Variants in LINGO1 observed in about 807,000 individuals in gnomAD.
LINGO1 encodes the protein leucine rich repeat and Ig domain containing 1.
In LINGO1, 11 loss-of-function variants were observed where a neutral mutation model predicts 37.3. The observed-to-expected ratio is 0.29, with a 90% CI of 0.19 to 0.49. LINGO1 has a LOEUF of 0.49. Ranked by LOEUF, LINGO1 falls within the 20% of genes least tolerant of loss-of-function variation. The probability of loss-of-function intolerance (pLI) is 0.99; values close to 1 mark genes in which losing one functional copy is unlikely to be tolerated. For synonymous variants in LINGO1, 387 were observed against 403.0 expected (o/e 0.96, Z 0.48); for missense variants, 585 against 878.2 (o/e 0.67, Z 4.22).
intron 3 of LINGO1, among the ~76,000 whole-genome samples, chr15:77,669,943 C>T (rs1045093544): frequency 2.0e-5 from 3 of 152,138 alleles, no homozygotes; most frequent in South Asian, 2.1e-4. Flanking sequence ...GTCAAAACCA[C>T]CCAAATGTTC....
chr15:77,672,092 C>T (rs1312842323), intron 3 of LINGO1, among the ~76,000 whole-genome samples: 3 of 151,572 alleles, frequency 2.0e-5, no homozygotes, highest in Non-Finnish European at 4.4e-5. Context: ...TGCCAGTTCC[C>T]TCTCTGAACT....
At chr15:77,688,602 T>G (rs2075552152) in intron 2 of LINGO1, among the ~76,000 whole-genome samples, 1 of 152,072 alleles carries the variant, frequency 6.6e-6, no homozygotes, top group South Asian at 2.1e-4. Context: ...CCACCCGAGA[T>G]GCCCCTAGGA....
intron 3 of LINGO1, chr15:77,641,650 C>T (rs913467497): frequency 4.2e-5 from 15 of 357,832 alleles, no homozygotes; most frequent in African/African-American, 8.6e-5. Context: ...GAGGAGTGGG[C>T]GTGGTAGGAG....
intron 1 of LINGO1, among the ~76,000 whole-genome samples, chr15:77,694,142 T>G (rs954007224): frequency 6.6e-6 from 1 of 152,096 alleles, no homozygotes. Flanking sequence ...TGTCAATACA[T>G]GAATCAGGGC....
chr15:77,664,655 T>C (rs2075091187), intron 3 of LINGO1, among the ~76,000 whole-genome samples: 1 of 152,154 alleles, frequency 6.6e-6, no homozygotes, highest in Non-Finnish European at 1.5e-5. Flanking sequence ...GAGCTGTTTC[T>C]TTGATGCCTA....
chr15:77,807,558 C>T (rs537437572), intron 1 of LINGO1, among the ~76,000 whole-genome samples: 440 of 152,178 alleles, frequency 2.9e-3, no homozygotes, highest in Non-Finnish European at 5.0e-3. Flanking sequence ...GCAAAAATGC[C>T]CTTTTCATGG....
At chr15:77,729,679 T>G (rs191334698) in intron 2 of LINGO1, among the ~76,000 whole-genome samples, 1 of 152,344 alleles carries the variant, frequency 6.6e-6, no homozygotes, top group African/African-American at 2.4e-5. Flanking sequence ...GGAATAGATA[T>G]GGCTCCCGCT....
intron 2 of LINGO1, among the ~76,000 whole-genome samples, chr15:77,715,890 T>C (rs982308697): frequency 3.3e-5 from 5 of 152,188 alleles, no homozygotes; most frequent in African/African-American, 4.8e-5. Flanking sequence ...TCCTCTCCAC[T>C]GGCACGCTGT....
intron 1 of LINGO1, among the ~76,000 whole-genome samples, chr15:77,765,103 G>T (rs1187809871): frequency 1.3e-5 from 2 of 152,146 alleles, no homozygotes; most frequent in Non-Finnish European, 2.9e-5. Context: ...ATGGATGAAC[G>T]GTGATTTGTC....
chr15:77,677,620 G>A (rs945257673), intron 2 of LINGO1, among the ~76,000 whole-genome samples: 3 of 151,928 alleles, frequency 2.0e-5, no homozygotes, highest in Non-Finnish European at 4.4e-5. Flanking sequence ...CCCCAGCACC[G>A]CTCAAGATCC....
At chr15:77,688,561 A>G (rs965788503) in intron 2 of LINGO1, among the ~76,000 whole-genome samples, 2 of 152,186 alleles carry the variant, frequency 1.3e-5, no homozygotes, top group Non-Finnish European at 2.9e-5. Flanking sequence ...GCTTGGGGAC[A>G]GGCTCAACCC....
chr15:77,712,821 C>T (rs2075935392), intron 2 of LINGO1, among the ~76,000 whole-genome samples: 1 of 152,300 alleles, frequency 6.6e-6, no homozygotes, highest in Non-Finnish European at 1.5e-5. Flanking sequence ...TGAGGGGTCT[C>T]GCTGCTGTTA....
rs372470752 is a variant in LINGO1 at position 77,801,035 on chromosome 15, T to C, written c.-457-4982A>G. 7.9e-5 allele frequency among the ~76,000 whole-genome samples: 12 copies of C among 152,300 alleles called. No individual in the cohort carries two copies. In the East Asian group the frequency reaches 2.1e-3, roughly 27 times the overall value. ...ATAACAAGCAGTGCTGGCAAGGATG[T>C]GGGGAAATGAGCACTCCCAGACCAT... is the stretch of plus-strand genomic sequence containing the variant. On this transcript the variant is annotated intron_variant, in intron 1 of 5. Transcript: ENST00000562933.
Position 77,704,835 on chromosome 15 carries a change from T to C in LINGO1, c.-194-13934A>G, listed in dbSNP as rs114986630. On this transcript the variant is annotated intron_variant, in intron 2 of 3. Transcript: ENST00000561686. Reference sequence around the variant, plus strand: ...CCCTGCATACATACTGAGCCCTGACTGTGCACACACTGAGCCCTGGTCCCA... The same window carrying C: ...CCCTGCATACATACTGAGCCCTGACCGTGCACACACTGAGCCCTGGTCCCA... Among the ~76,000 whole-genome samples the C allele has an allele frequency of 6.2e-3, 948 of 152,228 alleles. 17 individuals carry two copies. The highest frequency in any genetic ancestry group is 0.021 in the African/African-American group (887 of 41,522).
At chr15:77,727,390 A>G (rs1355356366) in intron 2 of LINGO1, among the ~76,000 whole-genome samples, 3 of 152,252 alleles carry the variant, frequency 2.0e-5, no homozygotes, top group Non-Finnish European at 2.9e-5. Flanking sequence ...TATACAGATG[A>G]TGGACTATTT....
Position 77,615,400 on chromosome 15 carries a change from G to A in LINGO1, c.507C>T (p.Leu169=). The A allele has an allele frequency of 6.2e-7, 1 of 1,614,044 alleles. No individual in the cohort carries two copies. The highest frequency in any genetic ancestry group is 8.5e-7 in the Non-Finnish European group (1 of 1,179,904). Residue 169 remains leucine, a synonymous_variant, in exon 2 of 2, where the codon CTC becomes CTT. Coordinates refer to ENST00000355300, the MANE Select transcript of LINGO1 (RefSeq NM_032808.7). Reference sequence around the variant, plus strand: ...CATTGTCGCCAACCTCCAGTGACTTGAGGTTGTACAGGTCCTGAAACATGT... The same window carrying A: ...CATTGTCGCCAACCTCCAGTGACTTAAGGTTGTACAGGTCCTGAAACATGT... ...LDYMFQDLYN[L]KSLEVGDNDL...
chr15:77,769,105 C>T (rs1355241270), intron 1 of LINGO1, among the ~76,000 whole-genome samples: 1 of 152,160 alleles, frequency 6.6e-6, no homozygotes, highest in Non-Finnish European at 1.5e-5. Context: ...GCTCCAGACC[C>T]TGGCCGCAGC....
At chr15:77,802,092 G>A (rs542443490) in intron 1 of LINGO1, among the ~76,000 whole-genome samples, 25 of 152,162 alleles carry the variant, frequency 1.6e-4, no homozygotes, top group Non-Finnish European at 3.2e-4. Flanking sequence ...AGAAGCTGGG[G>A]TGTGTTTCTC....
At chr15:77,669,265 C>T (rs59491554) in intron 3 of LINGO1, among the ~76,000 whole-genome samples, 2,601 of 152,294 alleles carry the variant, frequency 0.017, 79 homozygotes, top group African/African-American at 0.06. Flanking sequence ...CTTAGGGTCG[C>T]CTCTGCTCCA....
Sources: allele counts gnomAD v4.1 joint callset (sites outside exome capture counted in the v4.1 genomes callset), GRCh38; gene constraint gnomAD v4.1.1; transcripts MANE v1.5; gene names NCBI Gene and HGNC (gene_info 2026-07-23, HGNC 2026-07-21).